Variants in SEMA3C observed in about 807,000 individuals in gnomAD.
SEMA3C encodes semaphorin 3C, also known as semaphorin-3C.
In SEMA3C, 47 loss-of-function variants were observed where a neutral mutation model predicts 89.4. The ratio of observed to expected loss-of-function variants is 0.53; its 90% confidence interval spans 0.42 to 0.67. The LOEUF is 0.67. Among genes scored for constraint, SEMA3C ranks in the 30% least tolerant of loss-of-function variants. The pLI, the probability that SEMA3C is intolerant of heterozygous loss-of-function variation, is 0.00. For synonymous variants in SEMA3C, 310 were observed against 320.2 expected (o/e 0.97, Z 0.34); for missense variants, 839 against 929.1 (o/e 0.90, Z 1.26).
chr7:80,915,995 C>G (rs1201551983), intron 2 of SEMA3C, among the ~76,000 whole-genome samples: 1 of 152,094 alleles, frequency 6.6e-6, no homozygotes, highest in Non-Finnish European at 1.5e-5. Context: ...TCTGTAAGTC[C>G]TTTGAACTAT....
At chr7:80,921,367 G>T (rs748385367), upstream of SEMA3C, among the ~76,000 whole-genome samples, 1 of 152,112 alleles carries the variant, frequency 6.6e-6, no homozygotes. Flanking sequence ...AGATTCAAGC[G>T]CAAGGACACA....
chr7:80,807,354 T>C (rs1028818924), intron 6 of SEMA3C, among the ~76,000 whole-genome samples: 15 of 152,186 alleles, frequency 9.9e-5, no homozygotes, highest in African/African-American at 3.6e-4. Context: ...TCCTACTTCA[T>C]ACCACCTTAT....
At chr7:80,762,691 T>TA (rs201873944) in intron 13 of SEMA3C, among the ~76,000 whole-genome samples, 2,520 of 152,248 alleles carry the variant, frequency 0.017, 32 homozygotes, top group Non-Finnish European at 0.027. Flanking sequence ...CGCATGCCTG[T>TA]AATCCCAGCT....
chr7:80,874,347 G>A (rs1268584119), intron 2 of SEMA3C, among the ~76,000 whole-genome samples: 1 of 152,170 alleles, frequency 6.6e-6, no homozygotes, highest in African/African-American at 2.4e-5. Flanking sequence ...GCAGGGTTTT[G>A]AGAAATTATC....
chr7:80,776,669 A>G (rs1387704171), intron 12 of SEMA3C, among the ~76,000 whole-genome samples: 3 of 152,234 alleles, frequency 2.0e-5, no homozygotes, highest in African/African-American at 7.2e-5. Flanking sequence ...AATGCCACCA[A>G]CATATTACCA....
At chr7:80,865,839 C>T (rs2116020561) in intron 2 of SEMA3C, among the ~76,000 whole-genome samples, 1 of 152,238 alleles carries the variant, frequency 6.6e-6, no homozygotes, top group Admixed American at 6.5e-5. Context: ...TACCAACATT[C>T]TAATGAAAGA....
chr7:80,905,681 C>A, intron 2 of SEMA3C: 1 of 388,464 alleles, frequency 2.6e-6, no homozygotes, highest in Non-Finnish European at 5.1e-6. Flanking sequence ...TTAATGCCTA[C>A]AATGGGTTTA....
chr7:80,826,694 T>C (rs1789880568), intron 4 of SEMA3C, among the ~76,000 whole-genome samples: 1 of 152,188 alleles, frequency 6.6e-6, no homozygotes, highest in Non-Finnish European at 1.5e-5. Flanking sequence ...GTATTACATT[T>C]TCATTATTTG....
intron 2 of SEMA3C, among the ~76,000 whole-genome samples, chr7:80,900,775 T>TGCACAG (rs1791859508): frequency 2.0e-5 from 3 of 152,214 alleles, no homozygotes; most frequent in Admixed American, 2.0e-4. Flanking sequence ...GACTAAAAAG[T>TGCACAG]AACTCTATAT....
chr7:80,825,218 T>TG (rs1258224376), intron 4 of SEMA3C, among the ~76,000 whole-genome samples: 2 of 152,152 alleles, frequency 1.3e-5, no homozygotes, highest in African/African-American at 4.8e-5. Flanking sequence ...GACACTTCTA[T>TG]AAGTATTTCA....
chr7:80,921,647 A>G (rs117764667), upstream of SEMA3C, among the ~76,000 whole-genome samples: 1,422 of 152,318 alleles, frequency 9.3e-3, 11 homozygotes, highest in Non-Finnish European at 0.014. Context: ...TGGCACAACT[A>G]AATTTAGAGA....
intron 11 of SEMA3C, 149 bp from the exon 12 acceptor site, chr7:80,789,677 T>C: frequency 1.6e-6 from 1 of 622,364 alleles, no homozygotes; most frequent in Non-Finnish European, 2.8e-6. Context: ...AATAACATGA[T>C]TATGTTTTAC....
At chr7:80,789,635 A>G in intron 11 of SEMA3C, 107 bp from the exon 12 acceptor site, 2 of 729,514 alleles carry the variant, frequency 2.7e-6, no homozygotes, top group Non-Finnish European at 4.5e-6. Context: ...CAGTTGTTTT[A>G]AGTATATCTG....
chr7:80,757,767 A>G (rs1318140765), intron 15 of SEMA3C, among the ~76,000 whole-genome samples: 1 of 152,094 alleles, frequency 6.6e-6, no homozygotes, highest in Non-Finnish European at 1.5e-5. Context: ...TCAGGAGTTC[A>G]AGGCCAGCCT....
At chr7:80,803,941 T>A (rs571723515) in intron 8 of SEMA3C, among the ~76,000 whole-genome samples, 165 bp downstream of exon 8, 15 of 151,118 alleles carry the variant, frequency 9.9e-5, no homozygotes, top group Admixed American at 6.0e-4. Context: ...ATATTCAATA[T>A]AAAATGATGA....
intron 1 of SEMA3C, 103 bp from the exon 2 acceptor site, chr7:80,916,922 T>A (rs981110344): frequency 1.1e-6 from 1 of 928,714 alleles, no homozygotes; most frequent in African/African-American, 1.7e-5. Context: ...AAGAACCATC[T>A]GAACTTTTAC....
chr7:80,808,559 T>C (rs888771337), intron 6 of SEMA3C, among the ~76,000 whole-genome samples: 1 of 152,158 alleles, frequency 6.6e-6, no homozygotes, highest in Non-Finnish European at 1.5e-5. Context: ...CTTCCAAGGT[T>C]TACCTGTCTT....
intron 12 of SEMA3C, among the ~76,000 whole-genome samples, chr7:80,769,593 T>A (rs1343749246): frequency 2.0e-5 from 3 of 152,146 alleles, no homozygotes; most frequent in African/African-American, 7.2e-5. Context: ...GCACAGTGGC[T>A]CACGCCTGTA....
chr7:80,757,412 T>G (rs951088980), intron 15 of SEMA3C, among the ~76,000 whole-genome samples: 2 of 152,208 alleles, frequency 1.3e-5, no homozygotes, highest in African/African-American at 2.4e-5. Flanking sequence ...CACCTAGAAT[T>G]CTACTTGGAT....
Sources: gnomAD v4.1 joint callset for allele counts (sites outside exome capture counted in the v4.1 genomes callset) on GRCh38, gnomAD v4.1.1 for gene constraint, MANE v1.5 for transcripts, NCBI Gene and HGNC (gene_info 2026-07-23, HGNC 2026-07-21) for gene names.